The following CEP112 variants were observed in gnomAD, a reference collection of about 807,000 sequenced individuals.
CEP112 encodes the protein centrosomal protein of 112 kDa.
Under a neutral mutation model 153.0 loss-of-function variants are expected in CEP112, and 127 were observed. That is an observed-to-expected ratio of 0.83 (90% CI 0.72 to 0.96). The LOEUF is 0.96. Ranked by LOEUF, CEP112 falls within the 40% of genes least tolerant of loss-of-function variation. CEP112 has a pLI of 0.00. For missense variants in CEP112, 1,089 were observed against 1,101.2 expected (o/e 0.99, Z 0.16); for synonymous variants, 358 against 374.4 (o/e 0.96, Z 0.51).
At chr17:66,037,639 AC>A (rs2065792357) in intron 12 of CEP112, among the ~76,000 whole-genome samples, 1 of 152,064 alleles carries the variant, frequency 6.6e-6, no homozygotes, top group African/African-American at 2.4e-5. Context: ...TCTTTCCGTA[AC>A]AACAATTCTT....
Position 66,158,010 on chromosome 17 carries a change from C to T in CEP112, c.470+17034G>A, listed in dbSNP as rs545194544. ...AGAAAATTAACAAGGAGATTCAGGA[C>T]TTGAACTCAGCTCTGGACCAAATGG... On this transcript the variant is annotated intron_variant, in intron 4 of 26. Coordinates refer to ENST00000535342, the MANE Select transcript of CEP112 (RefSeq NM_001199165.4). Among the ~76,000 whole-genome samples the T allele has an allele frequency of 3.0e-3, 453 of 152,240 alleles. 2 individuals carry two copies. The highest frequency in any genetic ancestry group is 6.2e-3 in the South Asian group (30 of 4,820).
chr17:65,678,501 A>C (rs2047344729), intron 24 of CEP112, among the ~76,000 whole-genome samples: 1 of 152,208 alleles, frequency 6.6e-6, no homozygotes, highest in Non-Finnish European at 1.5e-5. Flanking sequence ...GAAAGCCAAA[A>C]CTGTCTTAAA....
chr17:65,874,058 A>G (rs1367491954), intron 20 of CEP112, among the ~76,000 whole-genome samples: 1 of 152,234 alleles, frequency 6.6e-6, no homozygotes, highest in African/African-American at 2.4e-5. Flanking sequence ...ATATGTATGC[A>G]TATGTGTACA....
chr17:65,934,023 T>A (rs1473606571), intron 18 of CEP112, among the ~76,000 whole-genome samples: 1 of 152,138 alleles, frequency 6.6e-6, no homozygotes, highest in African/African-American at 2.4e-5. Flanking sequence ...ACCCCATCTC[T>A]ACTAAAAATA....
At chr17:65,899,145 C>T (rs1313248574) in intron 20 of CEP112, among the ~76,000 whole-genome samples, 1 of 152,078 alleles carries the variant, frequency 6.6e-6, no homozygotes, top group Non-Finnish European at 1.5e-5. Context: ...TGAGATCATT[C>T]TCCAAAATAA....
intron 8 of CEP112, among the ~76,000 whole-genome samples, chr17:66,081,292 A>T (rs1003306900): frequency 6.6e-6 from 1 of 152,226 alleles, no homozygotes; most frequent in Admixed American, 6.5e-5. Flanking sequence ...GCTAAAATCA[A>T]TATTAAAACA....
At chr17:65,732,643 C>T (rs2050578641) in intron 23 of CEP112, among the ~76,000 whole-genome samples, 1 of 152,242 alleles carries the variant, frequency 6.6e-6, no homozygotes, top group South Asian at 2.1e-4. Flanking sequence ...GCTAGATCTT[C>T]TGGGTATCTT....
chr17:65,713,625 C>T (rs549168375), intron 23 of CEP112, among the ~76,000 whole-genome samples: 48 of 152,130 alleles, frequency 3.2e-4, no homozygotes, highest in Non-Finnish European at 3.8e-4. Flanking sequence ...CTCGCTCTGT[C>T]GCCCAGGATG....
At chr17:65,650,774 G>GC (rs1350820232) in intron 24 of CEP112, among the ~76,000 whole-genome samples, 1 of 151,200 alleles carries the variant, frequency 6.6e-6, no homozygotes, top group African/African-American at 2.4e-5. Flanking sequence ...GGGCATGGTG[G>GC]TGAGTGCCTG....
intron 24 of CEP112, among the ~76,000 whole-genome samples, chr17:65,677,558 A>T (rs1246996783): frequency 6.6e-6 from 1 of 152,188 alleles, no homozygotes; most frequent in African/African-American, 2.4e-5. Flanking sequence ...TGTTGCATTG[A>T]AAAATCAACT....
rs576466709 is a variant in CEP112, at chr17:65,824,244, C to T, written c.2394+27560G>A. Among the ~76,000 whole-genome samples, 14 of 152,314 alleles carry T rather than the reference C, an allele frequency of 9.2e-5. No individual in the cohort carries two copies. In the South Asian group the frequency reaches 2.7e-3, roughly 29 times the overall value. On this transcript the variant is annotated intron_variant, in intron 21 of 26. Coordinates refer to ENST00000535342, the MANE Select transcript of CEP112 (RefSeq NM_001199165.4). ...CTAAGCAATAAAAAGGAACAGATTA[C>T]AGTGACACACAACAACATGAGTGAA...
At chr17:65,976,644 C>G (rs1399118701) in intron 17 of CEP112, among the ~76,000 whole-genome samples, 1 of 150,226 alleles carries the variant, frequency 6.7e-6, no homozygotes, top group Non-Finnish European at 1.5e-5. Flanking sequence ...TGTATTTGTT[C>G]TTAAAAAGAT....
At chr17:65,733,350 A>G (rs532029225) in intron 23 of CEP112, among the ~76,000 whole-genome samples, 1 of 152,338 alleles carries the variant, frequency 6.6e-6, no homozygotes, top group Non-Finnish European at 1.5e-5. Context: ...AGATATAATA[A>G]TGAAAAGGTC....
In CEP112 at chr17:66,175,197, G is replaced by C; in HGVS notation, c.317C>G (p.Pro106Arg). ...TGAACCTTTTGCTCGTGCTGGATTT[G>C]GTTCATCAAAATAGATGGACTGATT... Reference protein sequence around the residue: ...PSYMSIYFDEPNPARAKGSSP... With the variant: ...PSYMSIYFDERNPARAKGSSP... The change falls in exon 4 of 27, where the codon CCA (proline) becomes CGA (arginine). Residue 106 changes from proline to arginine, a missense_variant. Physicochemically the swap from Pro to Arg is moderately radical, Grantham distance 103. Coordinates refer to ENST00000535342, the MANE Select transcript of CEP112 (RefSeq NM_001199165.4). The C allele has an allele frequency of 1.9e-6, 3 of 1,589,494 alleles. No homozygotes were observed. Among genetic ancestry groups the C allele is most frequent in the Non-Finnish European group, 2.6e-6 (3 of 1,169,186 alleles).
Position 65,951,745 on chromosome 17 carries a change from C to CACCG in CEP112, c.1872+9717_1872+9718insCGGT, listed in dbSNP as rs1329028549. 1.6e-3 allele frequency among the ~76,000 whole-genome samples: 155 copies of CACCG among 95,102 alleles called. 6 individuals are homozygous for CACCG. Among genetic ancestry groups the CACCG allele is most frequent in the African/African-American group, 4.7e-3 (133 of 28,376 alleles). The allele number at this position is 95,102 out of a possible 152,430, so 62.4% of individuals were successfully genotyped here. On this transcript the variant is annotated intron_variant, in intron 18 of 26. Transcript: ENST00000535342. ...GCTTTCTGCTCTAATCTTCCCCCGC[C>CACCG]CCCCCCTTTCTTCCACTTGCTTAGA... is the stretch of plus-strand genomic sequence containing the variant.
At chr17:65,775,055 A>T (rs190308732) in intron 21 of CEP112, among the ~76,000 whole-genome samples, 72 of 152,226 alleles carry the variant, frequency 4.7e-4, no homozygotes, top group African/African-American at 1.7e-3. Flanking sequence ...GGGCGGGAAC[A>T]TGAGGCTCAG....
intron 1 of CEP112, among the ~76,000 whole-genome samples, chr17:66,188,279 A>C (rs2073014944): frequency 1.8e-5 from 1 of 55,040 alleles, no homozygotes; most frequent in African/African-American, 6.8e-5. Flanking sequence ...CTCACACCAC[A>C]CACACAAACA....
At chr17:66,034,608 G>T (rs2065631232) in intron 12 of CEP112, among the ~76,000 whole-genome samples, 3 of 147,072 alleles carry the variant, frequency 2.0e-5, no homozygotes, top group Non-Finnish European at 4.5e-5. Flanking sequence ...TTACAGTGGA[G>T]ATGAGAGAAA....
chr17:66,121,019 C>T (rs1427343147), intron 6 of CEP112, among the ~76,000 whole-genome samples: 1 of 152,174 alleles, frequency 6.6e-6, no homozygotes, highest in African/African-American at 2.4e-5. Context: ...TGGCTCATGC[C>T]TGTAATCCCA....
Sources: allele counts gnomAD v4.1 joint callset (sites outside exome capture counted in the v4.1 genomes callset), GRCh38; gene constraint gnomAD v4.1.1; transcripts MANE v1.5; gene names NCBI Gene and HGNC (gene_info 2026-07-23, HGNC 2026-07-21).